ZMAT1: variants seen among roughly 807,000 people sequenced by gnomAD.
The protein encoded by ZMAT1 is zinc finger matrin-type protein 1.
A neutral mutation model predicts 18.5 loss-of-function variants in ZMAT1; 11 were observed. That is an observed-to-expected ratio of 0.59 (90% confidence interval 0.37 to 0.98). The LOEUF is 0.98. Among genes scored for constraint, ZMAT1 ranks in the 50% least tolerant of loss-of-function variants. ZMAT1 has a pLI of 0.01. For missense variants in ZMAT1, 525 were observed against 496.2 expected (o/e 1.06, Z -0.55); for synonymous variants, 211 against 176.4 (o/e 1.20, Z -1.55).
At chrX:101,899,675 AT>A (rs1177661988) in intron 2 of ZMAT1, among the ~76,000 whole-genome samples, 2 of 112,619 alleles carry the variant, frequency 1.8e-5, no homozygotes, top group Non-Finnish European at 3.7e-5. Context: ...CAGTGTATAT[AT>A]ACCACAGTTT....
chrX:101,883,928 C>T lies in ZMAT1; in HGVS notation c.1670G>A (p.Ser557Asn). Reference sequence around the variant, plus strand: ...AGAGTTATTTTCTTGCTGATTAAGGCTCAAGGGTACTGGTTTTTCTGGGAA... The same window carrying T: ...AGAGTTATTTTCTTGCTGATTAAGGTTCAAGGGTACTGGTTTTTCTGGGAA... ...DCFPEKPVPL[S>N]LNQQENNSGS... is the part of the protein sequence containing the mutation. The change falls in exon 6 of 6, where the codon AGC becomes AAC. Residue 557 changes from serine to asparagine, a missense_variant. Transcript: ENST00000651725. The T allele has an allele frequency of 8.3e-7, 1 of 1,210,596 alleles. No individual in the cohort carries two copies. The highest frequency in any genetic ancestry group is 1.8e-5 in the South Asian group (1 of 56,882).
intron 1 of ZMAT1, among the ~76,000 whole-genome samples, chrX:101,920,540 C>G (rs776398102): frequency 8.1e-5 from 9 of 111,674 alleles, no homozygotes; most frequent in Non-Finnish European, 1.9e-5. Flanking sequence ...ATAAAAGATA[C>G]TGGAGTGATG....
intron 1 of ZMAT1, among the ~76,000 whole-genome samples, chrX:101,906,791 T>G: frequency 9.0e-6 from 1 of 111,587 alleles, no homozygotes. Context: ...CCAGCCCAAG[T>G]AGCTCCAGGC....
chrX:101,928,163 T>C (rs1221407575), intron 1 of ZMAT1, among the ~76,000 whole-genome samples: 1 of 111,930 alleles, frequency 8.9e-6, no homozygotes, highest in African/African-American at 3.2e-5. Context: ...CTAGTAACAT[T>C]TAAAACTGCA....
chrX:101,905,401 T>C lies in ZMAT1; in HGVS notation c.293-1071A>G, dbSNP rs1010309153. 4.4e-5 allele frequency among the ~76,000 whole-genome samples: 5 copies of C among 112,603 alleles called. No homozygotes were observed. The Admixed American group carries it at 4.7e-4, about 11-fold the overall frequency. On this transcript the variant is annotated intron_variant, in intron 1 of 5. Transcript: ENST00000651725. ...TCTAAAATTCTTAAGAATTACAATG[T>C]ATTCTGCCAAAGTTTATCCATTTTT...
chrX:101,906,005 C>G (rs1371447198), intron 1 of ZMAT1, among the ~76,000 whole-genome samples: 1 of 111,110 alleles, frequency 9.0e-6, no homozygotes. Flanking sequence ...GCATCAGCCC[C>G]CTACCAAGCC....
chrX:101,919,229 C>A (rs1251233877), intron 1 of ZMAT1, among the ~76,000 whole-genome samples: 1 of 111,132 alleles, frequency 9.0e-6, no homozygotes, highest in African/African-American at 3.3e-5. Flanking sequence ...AGCTTAGTTT[C>A]AAAGTATTAT....
chrX:101,895,052 C>A (rs1478885511), intron 4 of ZMAT1: 3 of 185,388 alleles, frequency 1.6e-5, no homozygotes, highest in African/African-American at 9.3e-5. Flanking sequence ...CTTCTATCCA[C>A]TGAAAATCAT....
At chrX:101,927,890 G>C (rs1186354970) in intron 1 of ZMAT1, among the ~76,000 whole-genome samples, 1 of 112,247 alleles carries the variant, frequency 8.9e-6, no homozygotes, top group East Asian at 2.8e-4. Context: ...TTTACAACAA[G>C]CTTAGTTAGT....
Position 101,908,844 on chromosome X carries a change from T to C in ZMAT1, c.293-4514A>G, listed in dbSNP as rs188653775. Reference sequence around the variant, plus strand: ...GCAGTCTAGGCAATAGGTACCGCAATTCGTAGGCGAGTCCTAGGGCTGAAC... The same window carrying C: ...GCAGTCTAGGCAATAGGTACCGCAACTCGTAGGCGAGTCCTAGGGCTGAAC... On this transcript the variant is annotated intron_variant, in intron 1 of 5. Coordinates refer to ENST00000651725, the MANE Select transcript of ZMAT1 (RefSeq NM_001394560.1). Among the ~76,000 whole-genome samples the C allele has an allele frequency of 2.5e-4, 28 of 111,094 alleles. No individual in the cohort carries two copies. In the East Asian group the frequency reaches 6.8e-3, roughly 27 times the overall value.
chrX:101,929,289 T>C (rs1370986363), intron 1 of ZMAT1, among the ~76,000 whole-genome samples: 2 of 108,347 alleles, frequency 1.8e-5, no homozygotes, highest in Non-Finnish European at 3.8e-5. Flanking sequence ...GGGCAATCTC[T>C]TTAACTAGGA....
At chrX:101,915,353 AT>A (rs1205504431) in intron 1 of ZMAT1, among the ~76,000 whole-genome samples, 9 of 23,921 alleles carry the variant, frequency 3.8e-4, no homozygotes, top group African/African-American at 3.0e-3. Flanking sequence ...AACAAAAAAT[AT>A]ATATATATAT....
chrX:101,915,481 A>G (rs1929262652), intron 1 of ZMAT1: 1 of 112,125 alleles, frequency 8.9e-6, no homozygotes. Flanking sequence ...TAGAACTGAT[A>G]AACAAAATCA....
Position 101,884,644 on chromosome X carries a change from G to C in ZMAT1, c.954C>G (p.Ser318=), listed in dbSNP as rs1181756463. 1 of 1,209,327 alleles carries C rather than the reference G, an allele frequency of 8.3e-7. No individual in the cohort carries two copies. The highest frequency in any genetic ancestry group is 2.2e-5 in the Admixed American group (1 of 45,743). The change falls in exon 6 of 6, where the codon TCC becomes TCG. Residue 318 remains serine (S), a synonymous_variant. Coordinates refer to ENST00000651725, the MANE Select transcript of ZMAT1 (RefSeq NM_001394560.1). ...GTTCAAACATTCTATGTCTGGGTCT[G>C]GAATCGACCACTTCTCTGTATCTAC... ...ETRRYREVVD[S]RPRHRMFEQR...
rs931625266 is a variant in ZMAT1, at chrX:101,882,809, T to C, written c.*701A>G. 9.0e-6 allele frequency: 1 copy of C among 111,033 alleles called. No individual in the cohort carries two copies. The highest frequency in any genetic ancestry group is 1.9e-5 in the Non-Finnish European group (1 of 52,800). The allele number at this position is 111,033 out of a possible 1,213,427, so 9.2% of individuals were successfully genotyped here. ...CTGAATACTTTTACTTCACTTGGCT[T>C]TTTTAGAGATTAAAGTAGCCATCCA... On this transcript the variant is annotated 3_prime_UTR_variant, in exon 6 of 6. Transcript: ENST00000651725.
chrX:101,912,300 A>C (rs1929021752), intron 1 of ZMAT1, among the ~76,000 whole-genome samples: 1 of 111,874 alleles, frequency 8.9e-6, no homozygotes, highest in Admixed American at 9.4e-5. Flanking sequence ...GAAATGTGGA[A>C]ATAATCAACA....
intron 1 of ZMAT1, among the ~76,000 whole-genome samples, chrX:101,925,450 A>G (rs1365129912): frequency 1.8e-5 from 2 of 112,230 alleles, no homozygotes; most frequent in Non-Finnish European, 3.8e-5. Context: ...TATGACCTAC[A>G]GTACTGGGAT....
intron 1 of ZMAT1, among the ~76,000 whole-genome samples, chrX:101,931,300 G>C (rs970939424): frequency 1.8e-5 from 2 of 111,298 alleles, no homozygotes; most frequent in Non-Finnish European, 3.8e-5. Context: ...TTCTCCATCG[G>C]TCCCCGTTCC....
At chrX:101,931,563 A>G in intron 1 of ZMAT1, 154 bp downstream of exon 1, 1 of 616,220 alleles carries the variant, frequency 1.6e-6, no homozygotes, top group Non-Finnish European at 1.9e-6. Context: ...CGGGGCTAAT[A>G]CGGCGGGGCG....
Sources: allele counts gnomAD v4.1 joint callset (sites outside exome capture counted in the v4.1 genomes callset), GRCh38; gene constraint gnomAD v4.1.1; transcripts MANE v1.5; gene names NCBI Gene and HGNC (gene_info 2026-07-23, HGNC 2026-07-21).